PRKCZ: variants seen among roughly 807,000 people sequenced by gnomAD.
PRKCZ encodes protein kinase C zeta type.
PRKCZ carries 33 observed loss-of-function variants against 79.5 expected under a neutral mutation model. The observed-to-expected ratio is 0.41, with a 90% CI of 0.31 to 0.55. The LOEUF is 0.55. Among genes scored for constraint, PRKCZ ranks in the 20% least tolerant of loss-of-function variants. PRKCZ has a pLI of 0.19. For missense variants in PRKCZ, 578 were observed against 813.5 expected (o/e 0.71, Z 3.52); for synonymous variants, 342 against 320.9 (o/e 1.07, Z -0.70).
intron 4 of PRKCZ, among the ~76,000 whole-genome samples, chr1:2,120,134 C>G (rs1262271246): frequency 6.6e-6 from 1 of 152,056 alleles, no homozygotes; most frequent in Non-Finnish European, 1.5e-5. Flanking sequence ...GGCAACATCT[C>G]TTTTCTCTGA....
chr1:2,098,034 G>A (rs572888109), intron 4 of PRKCZ, among the ~76,000 whole-genome samples: 5 of 152,118 alleles, frequency 3.3e-5, no homozygotes, highest in East Asian at 1.9e-4. Context: ...ATAGTTTGAC[G>A]GGAAGGATGG....
chr1:2,117,041 C>T (rs563645744), intron 4 of PRKCZ, among the ~76,000 whole-genome samples: 9 of 152,184 alleles, frequency 5.9e-5, no homozygotes, highest in South Asian at 4.1e-4. Flanking sequence ...CCTTGACCTC[C>T]TGGGCTCAAG....
chr1:2,148,931 G>A lies in PRKCZ; in HGVS notation c.687+7G>A. 6.2e-7 allele frequency: 1 copy of A among 1,613,542 alleles called. No homozygotes were observed. The highest frequency in any genetic ancestry group is 8.5e-7 in the Non-Finnish European group (1 of 1,179,492). Reference sequence around the variant, plus strand: ...CATTAAAGACGACTCGGAGGTGAGTGTGTGGAGCAGCTCGCTGCCATTTCC... The same window carrying A: ...CATTAAAGACGACTCGGAGGTGAGTATGTGGAGCAGCTCGCTGCCATTTCC... On this transcript the variant is annotated splice_region_variant and intron_variant, in intron 8 of 17. Coordinates refer to ENST00000378567, the MANE Select transcript of PRKCZ (RefSeq NM_002744.6).
intron 10 of PRKCZ, 134 bp from the exon 11 acceptor site, chr1:2,169,384 C>A: frequency 1.3e-6 from 1 of 775,376 alleles, no homozygotes; most frequent in Non-Finnish European, 2.2e-6. Context: ...GGTGCTCCTG[C>A]TGCTCTTTGC....
intron 4 of PRKCZ, chr1:2,135,039 C>T (rs1675892203): frequency 8.8e-6 from 4 of 456,352 alleles, no homozygotes; most frequent in Middle Eastern, 1.2e-3. Context: ...CCATCCACAC[C>T]TGGGCCTCTG....
At chr1:2,077,483 A>G (rs1662660039) in intron 4 of PRKCZ, among the ~76,000 whole-genome samples, 2 of 152,168 alleles carry the variant, frequency 1.3e-5, no homozygotes, top group African/African-American at 2.4e-5. Flanking sequence ...GGCTGTGTCA[A>G]GTGTAGACAG....
rs140702214 is a variant in PRKCZ, at chr1:2,074,727, G to A, written c.334+15136G>A. The A allele has an allele frequency of 3.8e-3, 807 of 212,130 alleles. 8 individuals carry two copies. Among genetic ancestry groups the A allele is most frequent in the African/African-American group, 0.017 (741 of 43,186 alleles). The allele number at this position is 212,130 out of a possible 1,614,324, so 13.1% of individuals were successfully genotyped here. A position where few individuals can be genotyped will look rare whatever the true frequency, so the allele number is the denominator to read the frequency against. On this transcript the variant is annotated intron_variant, in intron 4 of 17. Coordinates refer to ENST00000378567, the MANE Select transcript of PRKCZ (RefSeq NM_002744.6). ...GGGTCCTCGGATGGTGGCGAGGAGC[G>A]GGGCTGCGGCGTCCTGTTTTCTATT...
rs911942118 is a variant in PRKCZ, at chr1:2,178,926, C to A, written c.1575+3613C>A. ...GAGCTGGGACAGGGTCACAGTCACC[C>A]CAAAGCCGCCCCCTCCTTGCCTATC... On this transcript the variant is annotated intron_variant, in intron 16 of 17. Transcript: ENST00000378567. This position sits in a 1 kb window ranked among gnomAD's most constrained non-coding sequence, Gnocchi z 4.3. Among the ~76,000 whole-genome samples the A allele has an allele frequency of 6.6e-6, 1 of 152,180 alleles. No homozygotes were observed. The highest frequency in any genetic ancestry group is 2.4e-5 in the African/African-American group (1 of 41,430).
rs929255134 is a variant in PRKCZ, at chr1:2,132,013, G to A, written c.335-3249G>A. On this transcript the variant is annotated intron_variant, in intron 4 of 17. Coordinates refer to ENST00000378567, the MANE Select transcript of PRKCZ (RefSeq NM_002744.6). ...TTTTTAGTAGAGACGGGGTTTCACC[G>A]TGTTAGCCAGGATGGTCTCGATCTC... Among the ~76,000 whole-genome samples the A allele has an allele frequency of 3.9e-5, 6 of 152,222 alleles. No homozygotes were observed. The South Asian group carries it at 6.2e-4, about 16-fold the overall frequency.
chr1:2,052,016 A>G (rs1420114225), intron 1 of PRKCZ, among the ~76,000 whole-genome samples: 1 of 152,148 alleles, frequency 6.6e-6, no homozygotes, highest in Non-Finnish European at 1.5e-5. Context: ...TTTGGCCTGG[A>G]GGTCAGCAGG....
chr1:2,121,726 C>T (rs1246144360), intron 4 of PRKCZ, among the ~76,000 whole-genome samples: 38 of 8,160 alleles, frequency 4.7e-3, no homozygotes, highest in African/African-American at 0.013. Flanking sequence ...AGGGTCACGG[C>T]GGTACTTAGG....
Position 2,145,914 on chromosome 1 carries a change from G to A in PRKCZ, c.553-113G>A. 4.6e-6 allele frequency: 4 copies of A among 861,570 alleles called. No homozygotes were observed. The South Asian group carries it at 6.1e-5, about 13-fold the overall frequency. The allele number at this position is 861,570 out of a possible 1,614,324, so 53.4% of individuals were successfully genotyped here. On this transcript the variant is annotated intron_variant, in intron 6 of 17. Coordinates refer to ENST00000378567, the MANE Select transcript of PRKCZ (RefSeq NM_002744.6). Reference sequence around the variant, plus strand: ...CTGGATGATGACAGACTGTGACCCTGTCTGTAAAAAAAAGTTCTTAATTTT... The same window carrying A: ...CTGGATGATGACAGACTGTGACCCTATCTGTAAAAAAAAGTTCTTAATTTT...
intron 4 of PRKCZ, among the ~76,000 whole-genome samples, chr1:2,115,558 A>G (rs997711389): frequency 6.6e-6 from 1 of 152,190 alleles, no homozygotes; most frequent in Non-Finnish European, 1.5e-5. Context: ...CAGACCCTGC[A>G]GATGAAGGGC....
Position 2,050,753 on chromosome 1 carries a change from G to A in PRKCZ, c.71+52G>A, listed in dbSNP as rs986382485. ...GCGCGGGTGAGGCAGGGAGGGCGGGGAGGGCTCAGCCGTCGGGGCTCCTGC... is the reference window on the plus strand; with the variant it reads ...GCGCGGGTGAGGCAGGGAGGGCGGGAAGGGCTCAGCCGTCGGGGCTCCTGC... On this transcript the variant is annotated intron_variant, in intron 1 of 17. Transcript: ENST00000378567. The A allele has an allele frequency of 1.3e-5, 11 of 851,694 alleles. No homozygotes were observed. In the Admixed American group the frequency reaches 2.2e-4, roughly 17 times the overall value. 52.8% of individuals were successfully genotyped at this position (851,694 alleles called of 1,614,324 possible).
chr1:2,123,441 T>C (rs1319411916), intron 4 of PRKCZ, among the ~76,000 whole-genome samples: 1 of 12,104 alleles, frequency 8.3e-5, no homozygotes, highest in Admixed American at 1.2e-3. Flanking sequence ...GTTAGGGTCG[T>C]GGCGGTGGTT....
intron 8 of PRKCZ, 61 bp from the exon 9 acceptor site, chr1:2,150,729 G>A: frequency 6.6e-7 from 1 of 1,511,212 alleles, no homozygotes; most frequent in South Asian, 1.2e-5. Context: ...GTGATGCGTG[G>A]TCCTCTGAGT....
rs549977434 is a variant in PRKCZ, at chr1:2,059,178, C to T, written c.284-363C>T. Reference sequence around the variant, plus strand: ...ATGTTAAAATAATTTTGAACTCTGTCTTGAGTATGAAGAAGTGGAATCTAA... The same window carrying T: ...ATGTTAAAATAATTTTGAACTCTGTTTTGAGTATGAAGAAGTGGAATCTAA... On this transcript the variant is annotated intron_variant, in intron 3 of 17. Coordinates refer to ENST00000378567, the MANE Select transcript of PRKCZ (RefSeq NM_002744.6). Among the ~76,000 whole-genome samples the T allele has an allele frequency of 1.9e-4, 29 of 152,314 alleles. 3 individuals are homozygous for T. In the South Asian group the frequency reaches 5.8e-3, roughly 30 times the overall value.
chr1:2,107,118 G>T (rs763634590), intron 4 of PRKCZ, among the ~76,000 whole-genome samples: 4 of 152,340 alleles, frequency 2.6e-5, no homozygotes, highest in African/African-American at 9.6e-5. Context: ...TGCCTCCCCC[G>T]TGTTTCCTCG....
At position 2,174,592 on chromosome 1, in the gene PRKCZ, G is replaced by T. The variant is rs1383925427; in HGVS notation, c.1406-162G>T. Among the ~76,000 whole-genome samples the T allele has an allele frequency of 6.6e-6, 1 of 152,262 alleles. No homozygotes were observed. Among genetic ancestry groups the T allele is most frequent in the African/African-American group, 2.4e-5 (1 of 41,472 alleles). On this transcript the variant is annotated intron_variant, in intron 14 of 17. Transcript: ENST00000378567. This position sits in a 1 kb window ranked among gnomAD's most constrained non-coding sequence, Gnocchi z 6.2. ...TAACCAGGAGGCCCAGGGAGGACCC[G>T]GCGGGACTCCGGGTTATAGATATTG...
Sources: gnomAD v4.1 joint callset for allele counts (sites outside exome capture counted in the v4.1 genomes callset) on GRCh38, gnomAD v4.1.1 for gene constraint, Gnocchi (gnomAD v3.1) non-coding constraint, MANE v1.5 for transcripts, NCBI Gene and HGNC (gene_info 2026-07-23, HGNC 2026-07-21) for gene names.